The following SLC24A2 variants were observed in gnomAD, a reference collection of about 807,000 sequenced individuals.
The protein encoded by SLC24A2 is sodium/potassium/calcium exchanger 2.
Under a neutral mutation model 62.0 loss-of-function variants are expected in SLC24A2, and 36 were observed. That is an observed-to-expected ratio of 0.58 (90% CI 0.44 to 0.77). SLC24A2 has a LOEUF of 0.77. SLC24A2 is among the 30% of genes least tolerant of loss of function. The probability of loss-of-function intolerance (pLI) is 0.00; values close to 1 mark genes in which losing one functional copy is unlikely to be tolerated. For missense variants in SLC24A2, 846 were observed against 817.9 expected, an observed-to-expected ratio of 1.03 and a Z score of -0.42; for synonymous variants, 358 against 294.0, an observed-to-expected ratio of 1.22 and a Z score of -2.23.
the SLC24A2 span, among the ~76,000 whole-genome samples, chr9:20,108,544 T>A: frequency 6.6e-6 from 1 of 152,166 alleles, no homozygotes; most frequent in Admixed American, 6.5e-5. Flanking sequence ...TCATGTCCTT[T>A]GTAGGGACAT....
At chr9:20,210,588 C>T in the SLC24A2 span, among the ~76,000 whole-genome samples, 1 of 149,262 alleles carries the variant, frequency 6.7e-6, no homozygotes, top group South Asian at 2.1e-4. Context: ...ATTCTCCTGC[C>T]TCAGCCTCCC....
At chr9:19,762,221 T>G (rs532307319) in intron 2 of SLC24A2, among the ~76,000 whole-genome samples, 1 of 152,352 alleles carries the variant, frequency 6.6e-6, no homozygotes, top group Admixed American at 6.5e-5. Flanking sequence ...CTTTGTCAGA[T>G]TAATAGATGG....
chr9:19,973,821 G>A, the SLC24A2 span, among the ~76,000 whole-genome samples: 1 of 152,154 alleles, frequency 6.6e-6, no homozygotes, highest in Non-Finnish European at 1.5e-5. Flanking sequence ...AAATTGTTTA[G>A]TTATTTAGAT....
the SLC24A2 span, among the ~76,000 whole-genome samples, chr9:20,152,117 T>G: frequency 1.3e-5 from 2 of 151,920 alleles, no homozygotes; most frequent in Non-Finnish European, 2.9e-5. Context: ...CATCAACATT[T>G]GTGAAAGCTA....
At chr9:19,654,194 T>C (rs895609181) in intron 2 of SLC24A2, among the ~76,000 whole-genome samples, 2 of 152,166 alleles carry the variant, frequency 1.3e-5, no homozygotes, top group South Asian at 2.1e-4. Flanking sequence ...TGGAATCATA[T>C]AGAATGTAGC....
chr9:20,265,778 T>A, the SLC24A2 span, among the ~76,000 whole-genome samples: 2 of 152,232 alleles, frequency 1.3e-5, no homozygotes, highest in Non-Finnish European at 2.9e-5. Context: ...CATATTTCTC[T>A]TCTTTCAACA....
the SLC24A2 span, among the ~76,000 whole-genome samples, chr9:20,255,823 T>C: frequency 6.6e-5 from 10 of 152,326 alleles, no homozygotes; most frequent in East Asian, 1.9e-3. Flanking sequence ...TCATACTTAA[T>C]CTGCCACATC....
At chr9:20,281,950 A>G in the SLC24A2 span, among the ~76,000 whole-genome samples, 2 of 152,162 alleles carry the variant, frequency 1.3e-5, no homozygotes, top group Non-Finnish European at 2.9e-5. Context: ...CACATTTTTC[A>G]TTAGATTTAT....
the SLC24A2 span, among the ~76,000 whole-genome samples, chr9:19,823,353 C>T: frequency 6.6e-6 from 1 of 150,678 alleles, no homozygotes; most frequent in African/African-American, 2.4e-5. Context: ...AATTTTGAAC[C>T]CTTTAAGAAA....
chr9:20,159,974 A>T, the SLC24A2 span, among the ~76,000 whole-genome samples: 7 of 151,568 alleles, frequency 4.6e-5, no homozygotes, highest in Admixed American at 2.6e-4. Context: ...GGATAGGCTT[A>T]CCTTGCTTAT....
chr9:19,536,176 T>G, intron 8 of SLC24A2, among the ~76,000 whole-genome samples: 1 of 151,276 alleles, frequency 6.6e-6, no homozygotes, highest in East Asian at 1.9e-4. Context: ...CTAAGAAATT[T>G]TCTTTTTTTT....
Position 19,513,157 on chromosome 9 carries a change from T to A in SLC24A2, c.*2996A>T, listed in dbSNP as rs1428185208. 1.6e-5 allele frequency: 1 copy of A among 62,394 alleles called. No individual in the cohort carries two copies. Among genetic ancestry groups the A allele is most frequent in the East Asian group, 4.9e-4 (1 of 2,052 alleles). The allele number at this position is 62,394 out of a possible 1,614,324, so 3.9% of individuals were successfully genotyped here. A position where few individuals can be genotyped will look rare whatever the true frequency, so the allele number is the denominator to read the frequency against. ...TACATATAGATCTGGTATAAAGATA[T>A]ATATATATATATATATATGTATATA... On this transcript the variant is annotated 3_prime_UTR_variant, in exon 11 of 11. Transcript: ENST00000341998.
the SLC24A2 span, among the ~76,000 whole-genome samples, chr9:20,076,122 A>G: frequency 2.0e-5 from 3 of 152,048 alleles, no homozygotes; most frequent in Non-Finnish European, 2.9e-5. Flanking sequence ...TTTGAGCTGC[A>G]TTTGGTGGGA....
chr9:19,877,380 TCCATAGTTTAGCCTA>T, the SLC24A2 span, among the ~76,000 whole-genome samples: 1 of 139,564 alleles, frequency 7.2e-6, no homozygotes, highest in Non-Finnish European at 1.6e-5. Context: ...GGAGTTTGGC[TCCATAGTTTAGCCTA>T]CAGATTCTAG....
chr9:20,054,278 G>A, the SLC24A2 span, among the ~76,000 whole-genome samples: 1 of 151,916 alleles, frequency 6.6e-6, no homozygotes, highest in Non-Finnish European at 1.5e-5. Context: ...TGCAACCTCT[G>A]CCTCCTGGGT....
the SLC24A2 span, among the ~76,000 whole-genome samples, chr9:20,230,109 A>G: frequency 5.9e-5 from 9 of 152,132 alleles, no homozygotes; most frequent in African/African-American, 2.2e-4. Flanking sequence ...TATATGTGCC[A>G]CATTTTCTTA....
intron 5 of SLC24A2, among the ~76,000 whole-genome samples, chr9:19,592,784 A>G (rs988979405): frequency 5.3e-5 from 8 of 152,312 alleles, no homozygotes; most frequent in African/African-American, 1.9e-4. Context: ...AAATTTGGGT[A>G]TCTGCAGATG....
the SLC24A2 span, among the ~76,000 whole-genome samples, chr9:19,976,526 CAT>C: frequency 1.3e-5 from 2 of 152,244 alleles, no homozygotes; most frequent in African/African-American, 4.8e-5. Flanking sequence ...GCCTCCCAGT[CAT>C]GTTTCCTGTC....
At chr9:20,067,527 A>G in the SLC24A2 span, among the ~76,000 whole-genome samples, 3 of 151,476 alleles carry the variant, frequency 2.0e-5, no homozygotes, top group Non-Finnish European at 4.4e-5. Flanking sequence ...TTTTCTACTC[A>G]CACTCTCTCT....
Sources: gnomAD v4.1 joint callset for allele counts (sites outside exome capture counted in the v4.1 genomes callset) on GRCh38, gnomAD v4.1.1 for gene constraint, MANE v1.5 for transcripts, NCBI Gene and HGNC (gene_info 2026-07-23, HGNC 2026-07-21) for gene names.